N4BP2L1: variants seen among roughly 807,000 people sequenced by gnomAD.
N4BP2L1 encodes the protein NEDD4 binding protein 2 like 1, also known as NEDD4-binding protein 2-like 1.
A neutral mutation model predicts 21.2 loss-of-function variants in N4BP2L1; 12 were observed. That is an observed-to-expected ratio of 0.57 (90% CI 0.36 to 0.92). N4BP2L1 has a LOEUF of 0.92. Ranked by LOEUF, N4BP2L1 falls within the 40% of genes least tolerant of loss-of-function variation. The pLI is 0.01. For missense variants in N4BP2L1, 259 were observed against 310.6 expected (o/e 0.83, Z 1.25); for synonymous variants, 104 against 112.8 (o/e 0.92, Z 0.49).
chr13:32,424,783 A>G (rs1416826758), intron 1 of N4BP2L1: 1 of 152,234 alleles, frequency 6.6e-6, no homozygotes, highest in Non-Finnish European at 1.5e-5. Flanking sequence ...CAAAAAATTT[A>G]ATCAGTTAAA....
At chr13:32,412,070 A>C (rs1045631405) in intron 1 of N4BP2L1, among the ~76,000 whole-genome samples, 1 of 152,074 alleles carries the variant, frequency 6.6e-6, no homozygotes, top group African/African-American at 2.4e-5. Context: ...GTGTGCGTGC[A>C]ACAGGGACCA....
chr13:32,403,208 G>A lies in N4BP2L1; in HGVS notation c.474-8C>T, dbSNP rs775151356. ...ACACCATGAATGTTTCTTCTACATG[G>A]AAAAAAAATGCATTTAGTTAAGGCA... On this transcript the variant is annotated splice_polypyrimidine_tract_variant and splice_region_variant and intron_variant, in intron 4 of 4. Coordinates refer to ENST00000380130, the MANE Select transcript of N4BP2L1 (RefSeq NM_052818.3). The A allele has an allele frequency of 8.9e-6, 14 of 1,571,400 alleles. No homozygotes were observed. The South Asian group carries it at 1.3e-4, about 15-fold the overall frequency.
At chr13:32,404,062 A>G (rs1035898236) in intron 4 of N4BP2L1, 1 of 1,184,410 alleles carries the variant, frequency 8.4e-7, no homozygotes, top group African/African-American at 1.5e-5. Flanking sequence ...ATGAAGAAGC[A>G]TTTTAGCAGA....
chr13:32,416,190 G>A (rs1163039095), intron 1 of N4BP2L1, among the ~76,000 whole-genome samples: 3 of 152,194 alleles, frequency 2.0e-5, no homozygotes, highest in Non-Finnish European at 4.4e-5. Context: ...TATAGCCAAT[G>A]TTTATTAAGT....
At chr13:32,416,989 G>T (rs1209317021) in intron 1 of N4BP2L1, among the ~76,000 whole-genome samples, 1 of 151,948 alleles carries the variant, frequency 6.6e-6, no homozygotes, top group Non-Finnish European at 1.5e-5. Flanking sequence ...GCTAATTTTT[G>T]TATTTTTAGT....
chr13:32,418,265 T>A (rs2074260288), intron 1 of N4BP2L1, among the ~76,000 whole-genome samples: 1 of 152,132 alleles, frequency 6.6e-6, no homozygotes, highest in African/African-American at 2.4e-5. Flanking sequence ...TGGCCATGGC[T>A]AAAAGGGGTC....
In N4BP2L1 at chr13:32,401,812, A is replaced by G. The variant is rs571934184; in HGVS notation, c.*1130T>C. 2 of 491,388 alleles carry G rather than the reference A, an allele frequency of 4.1e-6. No individual in the cohort carries two copies. Among genetic ancestry groups the G allele is most frequent in the East Asian group, 3.0e-4 (2 of 6,640 alleles). The allele number at this position is 491,388 out of a possible 1,614,324, so 30.4% of individuals were successfully genotyped here. ...CACTTAAAATAATTTTTCACAGAAC[A>G]TTAGAAAGAAGCTGTTGGCCAACAA... is the stretch of plus-strand genomic sequence containing the variant. On this transcript the variant is annotated 3_prime_UTR_variant, in exon 5 of 5. Coordinates refer to ENST00000380130, the MANE Select transcript of N4BP2L1 (RefSeq NM_052818.3).
At position 32,427,888 on chromosome 13, in the gene N4BP2L1, A is replaced by T; in HGVS notation, c.179+16T>A. ...GCCCCGGGCCCGTGCACCGGCGCCC[A>T]GACCGCTGTCATTACCTGGCCAGTG... On this transcript the variant is annotated intron_variant, in intron 1 of 4. Transcript: ENST00000380130. The T allele has an allele frequency of 6.9e-7, 1 of 1,456,306 alleles. No homozygotes were observed. Among genetic ancestry groups the T allele is most frequent in the South Asian group, 1.4e-5 (1 of 73,844 alleles). 90.2% of individuals were successfully genotyped at this position (1,456,306 alleles called of 1,614,324 possible).
At chr13:32,415,378 T>C (rs1369486641) in intron 1 of N4BP2L1, among the ~76,000 whole-genome samples, 3 of 152,250 alleles carry the variant, frequency 2.0e-5, no homozygotes, top group Non-Finnish European at 4.4e-5. Context: ...CTTTCCAGGA[T>C]ATATCTAGAT....
intron 2 of N4BP2L1, 32 bp downstream of exon 2, chr13:32,407,613 G>A (rs747222425): frequency 1.2e-6 from 2 of 1,610,350 alleles, no homozygotes; most frequent in Admixed American, 3.3e-5. Flanking sequence ...GCACATCAGG[G>A]TTTCCCAGGA....
Position 32,407,774 on chromosome 13 carries a change from T to A in N4BP2L1, c.180-2A>T. On this transcript the variant is annotated splice_acceptor_variant, in intron 1 of 4. Coordinates refer to ENST00000380130, the MANE Select transcript of N4BP2L1 (RefSeq NM_052818.3). LOFTEE classifies it high-confidence loss of function. ...CTGGGAAAGTCATGCTGCAATTGTC[T>A]GGAAAGTGGAGAAATGAGAGAGAGA... 6.3e-7 allele frequency: 1 copy of A among 1,581,346 alleles called. No individual in the cohort carries two copies. The highest frequency in any genetic ancestry group is 8.6e-7 in the Non-Finnish European group (1 of 1,167,202).
At position 32,419,429 on chromosome 13, in the gene N4BP2L1, T is replaced by G. The variant is rs773040007; in HGVS notation, c.179+8475A>C. On this transcript the variant is annotated intron_variant, in intron 1 of 4. Coordinates refer to ENST00000380130, the MANE Select transcript of N4BP2L1 (RefSeq NM_052818.3). ...CTTGGCTAATTTTTTTTTTTTTTTT[T>G]TTTTTTTTTTTTTTTTTTGTATTTT... 111 of 128,354 alleles carry G rather than the reference T, an allele frequency of 8.6e-4. 1 individual carries two copies. Among genetic ancestry groups the G allele is most frequent in the East Asian group, 5.5e-3 (7 of 1,284 alleles). 8.0% of individuals were successfully genotyped at this position (128,354 alleles called of 1,614,324 possible). A position where few individuals can be genotyped will look rare whatever the true frequency, so the allele number is the denominator to read the frequency against.
At chr13:32,412,891 G>T (rs74189161) in intron 1 of N4BP2L1, among the ~76,000 whole-genome samples, 24,426 of 151,990 alleles carry the variant, frequency 0.16, 2,188 homozygotes, top group East Asian at 0.41. Context: ...CTAATGTTAG[G>T]TTTTTATTTT....
At chr13:32,406,047 C>T (rs35685866) in intron 3 of N4BP2L1, among the ~76,000 whole-genome samples, 27 of 151,686 alleles carry the variant, frequency 1.8e-4, no homozygotes, top group African/African-American at 5.3e-4. Flanking sequence ...GGACTACAGG[C>T]GCCTGCCACC....
Position 32,401,946 on chromosome 13 carries a change from G to C in N4BP2L1, c.*996C>G, listed in dbSNP as rs2073152894. The C allele has an allele frequency of 1.0e-6, 1 of 985,228 alleles. No individual in the cohort carries two copies. The highest frequency in any genetic ancestry group is 1.2e-6 in the Non-Finnish European group (1 of 829,690). 61.0% of individuals were successfully genotyped at this position (985,228 alleles called of 1,614,324 possible). ...ATTCATAAATTCAGCATCAGTATAA[G>C]AAGACATTCCAGAGTTGTGAGGACT... On this transcript the variant is annotated 3_prime_UTR_variant, in exon 5 of 5. Transcript: ENST00000380130.
At chr13:32,409,878 T>C (rs2073751671) in intron 1 of N4BP2L1, among the ~76,000 whole-genome samples, 1 of 152,164 alleles carries the variant, frequency 6.6e-6, no homozygotes, top group Non-Finnish European at 1.5e-5. Context: ...ACGCAAATCA[T>C]CTTTGAAACA....
rs1199744843 is a variant in N4BP2L1, at chr13:32,400,744, T to C, written c.*2198A>G. ...GGGATAATGGTAAAAATTTGTGTTATTTATTCAGCAATCATTTAATGAGAC... is the reference window on the plus strand; with the variant it reads ...GGGATAATGGTAAAAATTTGTGTTACTTATTCAGCAATCATTTAATGAGAC... On this transcript the variant is annotated 3_prime_UTR_variant, in exon 5 of 5. Coordinates refer to ENST00000380130, the MANE Select transcript of N4BP2L1 (RefSeq NM_052818.3). 6.6e-6 allele frequency: 1 copy of C among 152,236 alleles called. No homozygotes were observed. Among genetic ancestry groups the C allele is most frequent in the East Asian group, 1.9e-4 (1 of 5,196 alleles). 9.4% of individuals were successfully genotyped at this position (152,236 alleles called of 1,614,324 possible).
chr13:32,425,214 A>C (rs2074696844), intron 1 of N4BP2L1: 1 of 152,154 alleles, frequency 6.6e-6, no homozygotes, highest in South Asian at 2.1e-4. Flanking sequence ...CCTACCTCCC[A>C]AAAAAGTGGG....
At chr13:32,425,965 G>A (rs1456552792) in intron 1 of N4BP2L1, 1 of 152,160 alleles carries the variant, frequency 6.6e-6, no homozygotes, top group East Asian at 1.9e-4. Context: ...CCTAGAGAGA[G>A]AGAGATGGTC....
Sources: allele counts gnomAD v4.1 joint callset (sites outside exome capture counted in the v4.1 genomes callset), GRCh38; gene constraint gnomAD v4.1.1; transcripts MANE v1.5; gene names NCBI Gene and HGNC (gene_info 2026-07-23, HGNC 2026-07-21).